The following SLC17A1 variants were observed in gnomAD, a reference collection of about 807,000 sequenced individuals.
The protein encoded by SLC17A1 is sodium-dependent phosphate transport protein 1.
In SLC17A1, 51 loss-of-function variants were observed where a neutral mutation model predicts 53.5. That is an observed-to-expected ratio of 0.95 (90% CI 0.76 to 1.20). SLC17A1 has a LOEUF of 1.20. Ranked by LOEUF, SLC17A1 falls within the 50% of genes most tolerant of loss-of-function variation. SLC17A1 has a pLI of 0.00. For synonymous variants in SLC17A1, 179 were observed against 198.8 expected (o/e 0.90, Z 0.84); for missense variants, 538 against 568.2 (o/e 0.95, Z 0.54).
chr6:25,830,497 G>A (rs1453257963), intron 2 of SLC17A1, 27 bp downstream of exon 2: 2 of 1,544,452 alleles, frequency 1.3e-6, no homozygotes, highest in East Asian at 4.5e-5. Context: ...AAGAACACCT[G>A]TTTAATGGAA....
downstream of SLC17A1, chr6:25,780,051 C>A (rs893844303): frequency 6.6e-6 from 1 of 152,186 alleles, no homozygotes. Flanking sequence ...ACCTCATTAA[C>A]CTAAAATGTC....
At chr6:25,806,881 A>G (rs1027827565) in intron 10 of SLC17A1, among the ~76,000 whole-genome samples, 9 of 152,040 alleles carry the variant, frequency 5.9e-5, no homozygotes, top group African/African-American at 1.4e-4. Context: ...ATAGACATTT[A>G]TCAAAAAAGA....
intron 12 of SLC17A1, among the ~76,000 whole-genome samples, chr6:25,784,213 CAT>C (rs1244706869): frequency 6.6e-6 from 1 of 152,186 alleles, no homozygotes; most frequent in Non-Finnish European, 1.5e-5. Context: ...GATGTTTCCA[CAT>C]GTTAGCTGAA....
intron 3 of SLC17A1, among the ~76,000 whole-genome samples, chr6:25,825,754 C>T (rs1764718617): frequency 6.6e-6 from 1 of 152,028 alleles, no homozygotes; most frequent in Non-Finnish European, 1.5e-5. Context: ...TTCCTATTCT[C>T]TCTGGCATTC....
At chr6:25,770,461 T>G in the SLC17A1 span, 1 of 1,614,010 alleles carries the variant, frequency 6.2e-7, no homozygotes, top group African/African-American at 1.3e-5. Flanking sequence ...TCACCACCAT[T>G]GCTGGATCAG....
At chr6:25,746,402 T>C in the SLC17A1 span, among the ~76,000 whole-genome samples, 1 of 152,156 alleles carries the variant, frequency 6.6e-6, no homozygotes, top group East Asian at 1.9e-4. Context: ...AATATTATAT[T>C]CCTGACAATA....
At chr6:25,756,384 T>C in the SLC17A1 span, among the ~76,000 whole-genome samples, 1 of 152,162 alleles carries the variant, frequency 6.6e-6, no homozygotes, top group South Asian at 2.1e-4. Flanking sequence ...ACAACCACAC[T>C]AGGTAAGTGG....
chr6:25,768,167 A>C, the SLC17A1 span, among the ~76,000 whole-genome samples: 1 of 152,166 alleles, frequency 6.6e-6, no homozygotes, highest in Admixed American at 6.5e-5. Flanking sequence ...TGGGGAACTA[A>C]ATGCTCTCAG....
At chr6:25,734,790 A>G in the SLC17A1 span, among the ~76,000 whole-genome samples, 1 of 152,248 alleles carries the variant, frequency 6.6e-6, no homozygotes, top group South Asian at 2.1e-4. Context: ...TTAGTGGAAT[A>G]CTAGTAGTTG....
At chr6:25,731,919 G>T in the SLC17A1 span, 1 of 1,601,962 alleles carries the variant, frequency 6.2e-7, no homozygotes, top group Non-Finnish European at 8.5e-7. Flanking sequence ...GTCATAATGC[G>T]CCAGGCGGGA....
At chr6:25,794,654 T>A (rs1006617288) in intron 12 of SLC17A1, among the ~76,000 whole-genome samples, 1 of 152,158 alleles carries the variant, frequency 6.6e-6, no homozygotes, top group African/African-American at 2.4e-5. Flanking sequence ...AAGGGTGACA[T>A]TGGACATCAA....
At chr6:25,770,460 T>C in the SLC17A1 span, 1 of 1,613,920 alleles carries the variant, frequency 6.2e-7, no homozygotes, top group Non-Finnish European at 8.5e-7. Flanking sequence ...CTCACCACCA[T>C]TGCTGGATCA....
intron 10 of SLC17A1, among the ~76,000 whole-genome samples, chr6:25,807,611 CT>C (rs1217185342): frequency 1.3e-5 from 2 of 151,966 alleles, no homozygotes; most frequent in African/African-American, 4.8e-5. Flanking sequence ...CCTCACTCCC[CT>C]CCCACCCTTT....
the SLC17A1 span, chr6:25,770,950 T>A: frequency 4.3e-6 from 7 of 1,613,934 alleles, no homozygotes; most frequent in Non-Finnish European, 5.9e-6. Context: ...TCCTTCATTG[T>A]TCTACTTGCT....
At chr6:25,751,004 C>T in the SLC17A1 span, among the ~76,000 whole-genome samples, 1 of 152,064 alleles carries the variant, frequency 6.6e-6, no homozygotes, top group African/African-American at 2.4e-5. Flanking sequence ...ATCACATATG[C>T]GGAGATAGGA....
chr6:25,776,997 A>C, the SLC17A1 span: 1 of 1,569,270 alleles, frequency 6.4e-7, no homozygotes, highest in Non-Finnish European at 8.6e-7. Context: ...CAGACACTCA[A>C]TTCAAGTCTA....
the SLC17A1 span, among the ~76,000 whole-genome samples, chr6:25,751,915 G>A: frequency 2.6e-5 from 4 of 152,154 alleles, no homozygotes; most frequent in African/African-American, 9.7e-5. Flanking sequence ...CCAGAAATGT[G>A]TAGGCCCCAT....
chr6:25,801,000 A>G lies in SLC17A1; in HGVS notation c.1179-20T>C, dbSNP rs762619579. On this transcript the variant is annotated intron_variant, in intron 10 of 12. Transcript: ENST00000244527. ...AAATATCTATGCATAAAAGAGTAATACACAAATGTAAAGTAGTACAAATAC... is the reference window on the plus strand; with the variant it reads ...AAATATCTATGCATAAAAGAGTAATGCACAAATGTAAAGTAGTACAAATAC... 7.6e-7 allele frequency: 1 copy of G among 1,308,802 alleles called. No individual in the cohort carries two copies. The highest frequency in any genetic ancestry group is 1.4e-5 in the African/African-American group (1 of 69,044). The allele number at this position is 1,308,802 out of a possible 1,614,324, so 81.1% of individuals were successfully genotyped here. A position where few individuals can be genotyped will look rare whatever the true frequency, so the allele number is the denominator to read the frequency against.
At chr6:25,777,125 C>T in the SLC17A1 span, 4 of 767,676 alleles carry the variant, frequency 5.2e-6, no homozygotes, top group African/African-American at 7.0e-5. Context: ...AGACTCAAAG[C>T]TGGTGGACCA....
Sources: allele counts gnomAD v4.1 joint callset (sites outside exome capture counted in the v4.1 genomes callset), GRCh38; gene constraint gnomAD v4.1.1; transcripts MANE v1.5; gene names NCBI Gene and HGNC (gene_info 2026-07-23, HGNC 2026-07-21).